Variants in ATP8A1 observed in about 807,000 individuals in gnomAD.
ATP8A1 encodes phospholipid-transporting ATPase IA.
In ATP8A1, 90 loss-of-function variants were observed where a neutral mutation model predicts 177.7. That is an observed-to-expected ratio of 0.51 (90% CI 0.43 to 0.60). ATP8A1 has a LOEUF of 0.60. ATP8A1 is among the 20% of genes least tolerant of loss of function. The pLI is 0.00. For missense variants in ATP8A1, 1,072 were observed against 1,392.8 expected (o/e 0.77, Z 3.67); for synonymous variants, 493 against 485.9 (o/e 1.01, Z -0.19).
chr4:42,444,759 T>A, intron 31 of ATP8A1, 125 bp from the exon 32 acceptor site: 1 of 947,728 alleles, frequency 1.1e-6, no homozygotes, highest in Non-Finnish European at 1.6e-6. Context: ...GCTGCTTGCT[T>A]TGTATATCCA....
rs1712278461 is a variant in ATP8A1, at chr4:42,408,934, C to T, written c.*3982G>A. 6.6e-6 allele frequency: 1 copy of T among 152,070 alleles called. No homozygotes were observed. The highest frequency in any genetic ancestry group is 1.5e-5 in the Non-Finnish European group (1 of 67,978). 9.4% of individuals were successfully genotyped at this position (152,070 alleles called of 1,614,324 possible). ...TAAGCAAATATGAAATCTAGCTTTC[C>T]TACTTAAGGGAGATTTATTTGCTGA... is the stretch of plus-strand genomic sequence containing the variant. On this transcript the variant is annotated 3_prime_UTR_variant, in exon 37 of 37. Transcript: ENST00000381668.
intron 12 of ATP8A1, among the ~76,000 whole-genome samples, chr4:42,577,496 T>C (rs927142761): frequency 4.6e-5 from 7 of 152,082 alleles, no homozygotes; most frequent in African/African-American, 1.7e-4. Flanking sequence ...GACTTTACAA[T>C]GATTGAAAAA....
intron 5 of ATP8A1, among the ~76,000 whole-genome samples, chr4:42,612,326 C>T (rs901885405): frequency 2.7e-5 from 4 of 150,912 alleles, no homozygotes; most frequent in African/African-American, 9.8e-5. Flanking sequence ...AACATGCACA[C>T]AGAGAGCACC....
chr4:42,531,872 A>G (rs1004051539), intron 20 of ATP8A1, among the ~76,000 whole-genome samples: 1 of 152,134 alleles, frequency 6.6e-6, no homozygotes, highest in Non-Finnish European at 1.5e-5. Context: ...TAATCCTAGC[A>G]GTTTGGGAGG....
At chr4:42,469,025 T>G (rs1720112900) in intron 25 of ATP8A1, among the ~76,000 whole-genome samples, 1 of 152,154 alleles carries the variant, frequency 6.6e-6, no homozygotes, top group Admixed American at 6.5e-5. Context: ...AAACTGCATG[T>G]TTTTGTAGCA....
chr4:42,519,777 G>A (rs1363759377), intron 22 of ATP8A1, among the ~76,000 whole-genome samples: 1 of 152,218 alleles, frequency 6.6e-6, no homozygotes, highest in Non-Finnish European at 1.5e-5. Context: ...TTCAACAACA[G>A]AGAGCATGGC....
intron 1 of ATP8A1, among the ~76,000 whole-genome samples, chr4:42,636,395 G>GACT (rs1739396507): frequency 1.8e-5 from 2 of 110,508 alleles, no homozygotes; most frequent in South Asian, 6.0e-4. Flanking sequence ...GCTGTTCAGA[G>GACT]ACGGGTAGGG....
intron 6 of ATP8A1, among the ~76,000 whole-genome samples, chr4:42,591,845 T>G (rs1469906858): frequency 6.6e-6 from 1 of 152,122 alleles, no homozygotes; most frequent in Non-Finnish European, 1.5e-5. Context: ...AATTGAAAAT[T>G]AAAATATTAT....
chr4:42,576,326 A>G (rs1231907130), intron 12 of ATP8A1, among the ~76,000 whole-genome samples: 1 of 151,716 alleles, frequency 6.6e-6, no homozygotes, highest in African/African-American at 2.4e-5. Flanking sequence ...ATACAAAAAA[A>G]TCAGCCGGGA....
chr4:42,472,719 C>T (rs1263200874), intron 25 of ATP8A1, among the ~76,000 whole-genome samples: 6 of 141,974 alleles, frequency 4.2e-5, no homozygotes, highest in Non-Finnish European at 9.0e-5. Context: ...CATCGCACTC[C>T]AGCTCAGGTG....
intron 4 of ATP8A1, among the ~76,000 whole-genome samples, chr4:42,620,092 G>A (rs527465227): frequency 6.6e-6 from 1 of 152,292 alleles, no homozygotes; most frequent in African/African-American, 2.4e-5. Context: ...CCTAATGAAT[G>A]CCTGGCAGCT....
At chr4:42,575,868 A>T (rs1180800318) in intron 12 of ATP8A1, among the ~76,000 whole-genome samples, 169 bp from the exon 13 acceptor site, 1 of 152,242 alleles carries the variant, frequency 6.6e-6, no homozygotes, top group Non-Finnish European at 1.5e-5. Context: ...GATTTTTCTG[A>T]AAAGTATTCA....
chr4:42,539,765 C>T (rs889979927), intron 20 of ATP8A1, among the ~76,000 whole-genome samples: 2 of 151,940 alleles, frequency 1.3e-5, no homozygotes, highest in Non-Finnish European at 2.9e-5. Context: ...GAAACTGAAC[C>T]CTTATCTCTT....
chr4:42,549,076 G>T lies in ATP8A1; in HGVS notation c.1603-14C>A. The T allele has an allele frequency of 6.3e-7, 1 of 1,599,438 alleles. No individual in the cohort carries two copies. Among genetic ancestry groups the T allele is most frequent in the Non-Finnish European group, 8.6e-7 (1 of 1,168,510 alleles). On this transcript the variant is annotated splice_polypyrimidine_tract_variant and intron_variant, in intron 18 of 36. Coordinates refer to ENST00000381668, the MANE Select transcript of ATP8A1 (RefSeq NM_006095.2). ...TTCCTGCCCCAGCTAAGAAGAAAAG[G>T]AATATATAATTACATACAGTTGGAA...
In ATP8A1 at chr4:42,556,043, G is replaced by T; in HGVS notation, c.1341-3C>A. 2.5e-6 allele frequency: 4 copies of T among 1,607,874 alleles called. No homozygotes were observed. Among genetic ancestry groups the T allele is most frequent in the Non-Finnish European group, 3.4e-6 (4 of 1,176,248 alleles). On this transcript the variant is annotated splice_region_variant and splice_polypyrimidine_tract_variant and intron_variant, in intron 15 of 36. Coordinates refer to ENST00000381668, the MANE Select transcript of ATP8A1 (RefSeq NM_006095.2). ...CATCTCCAAACTGTGAGTTCTGCCT[G>T]AAGGGGGTAAAAAATAGAGTAAACC...
At chr4:42,590,188 T>C (rs141545448) in intron 7 of ATP8A1, among the ~76,000 whole-genome samples, 1 of 152,296 alleles carries the variant, frequency 6.6e-6, no homozygotes, top group Non-Finnish European at 1.5e-5. Flanking sequence ...ATACAGTCAC[T>C]AGTAGACAGC....
Position 42,460,379 on chromosome 4 carries a change from CTTTTT to C in ATP8A1, c.2619+4306_2619+4310del, listed in dbSNP as rs35296572. Among the ~76,000 whole-genome samples the C allele has an allele frequency of 5.3e-5, 5 of 94,588 alleles. No homozygotes were observed. In the South Asian group the frequency reaches 1.8e-3, roughly 34 times the overall value. The allele number at this position is 94,588 out of a possible 152,430, so 62.1% of individuals were successfully genotyped here. On this transcript the variant is annotated intron_variant, in intron 27 of 36. Transcript: ENST00000381668. Reference sequence around the variant, plus strand: ...ATTTCCATATAGCAAATGGATGGATCTTTTTTTTTTTTTTTTTTTTTTTTCTGAGA... The same window carrying C: ...ATTTCCATATAGCAAATGGATGGATCTTTTTTTTTTTTTTTTTTTCTGAGA...
chr4:42,443,661 T>C lies in ATP8A1; in HGVS notation c.3027A>G (p.Ile1009Met). The change falls in exon 33 of 37, where the codon ATA becomes ATG. Residue 1009 changes from isoleucine (I) to methionine (M), a missense_variant. Ile to Met is a conservative substitution (Grantham distance 10). Around this residue, in one of 5 missense-constraint regions of ATP8A1, gnomAD observed 316 missense variants for 459.1 expected, o/e 0.69. Transcript: ENST00000381668. The stretch of plus-strand genomic sequence containing the variant: ...AGAGTGCGATGCTCCCCCATATCGC[T>C]ATGTGGCTGAACTGTAGAGCAAGGA... Reference protein sequence around the residue: ...ETSYWTWFSHIAIWGSIALWV... With the variant: ...ETSYWTWFSHMAIWGSIALWV... 2 of 1,498,096 alleles carry C rather than the reference T, an allele frequency of 1.3e-6. No homozygotes were observed. Among genetic ancestry groups the C allele is most frequent in the African/African-American group, 1.4e-5 (1 of 72,762 alleles). The allele number at this position is 1,498,096 out of a possible 1,614,324, so 92.8% of individuals were successfully genotyped here. A position where few individuals can be genotyped will look rare whatever the true frequency, so the allele number is the denominator to read the frequency against.
intron 33 of ATP8A1, among the ~76,000 whole-genome samples, chr4:42,425,547 T>C (rs1714501798): frequency 6.6e-6 from 1 of 152,178 alleles, no homozygotes; most frequent in African/African-American, 2.4e-5. Context: ...AGTCTCTTTG[T>C]ATTTTTTGGA....
Sources: gnomAD v4.1 joint callset for allele counts (sites outside exome capture counted in the v4.1 genomes callset) on GRCh38, gnomAD v4.1.1 for gene constraint, gnomAD v4.1.1 regional missense constraint, MANE v1.5 for transcripts, NCBI Gene and HGNC (gene_info 2026-07-23, HGNC 2026-07-21) for gene names.